GSE1: variants seen among roughly 807,000 people sequenced by gnomAD.
GSE1 encodes the protein genetic suppressor element 1.
Under a neutral mutation model 112.6 loss-of-function variants are expected in GSE1, and 32 were observed. The observed-to-expected ratio is 0.28, with a 90% confidence interval of 0.21 to 0.38. The LOEUF is 0.38. Ranked by LOEUF, GSE1 falls within the 10% of genes least tolerant of loss-of-function variation. GSE1 has a pLI of 1.00. For missense variants in GSE1, 2,348 were observed against 1,699.2 expected (o/e 1.38, Z -6.71); for synonymous variants, 1,115 against 735.6 (o/e 1.52, Z -8.35).
At chr16:85,590,206 G>C (rs1231754080) in intron 1 of GSE1, among the ~76,000 whole-genome samples, 2 of 152,082 alleles carry the variant, frequency 1.3e-5, no homozygotes, top group Non-Finnish European at 2.9e-5. Context: ...GTGTGTGATT[G>C]TGTGAACATG....
chr16:85,642,851 C>T (rs924171994), intron 2 of GSE1, among the ~76,000 whole-genome samples: 1 of 152,300 alleles, frequency 6.6e-6, no homozygotes, highest in South Asian at 2.1e-4. Context: ...CCTCCCCTTT[C>T]CTTCCATGCT....
At chr16:85,234,380 C>T (rs1289095557) in intron 1 of GSE1, among the ~76,000 whole-genome samples, 2 of 152,152 alleles carry the variant, frequency 1.3e-5, no homozygotes, top group African/African-American at 2.4e-5. Flanking sequence ...GCACCACCTC[C>T]CCAGGTTCTC....
At chr16:85,387,161 C>A (rs889007489) in intron 2 of GSE1, among the ~76,000 whole-genome samples, 2 of 152,198 alleles carry the variant, frequency 1.3e-5, no homozygotes, top group South Asian at 4.1e-4. Flanking sequence ...TGGAGTCCAG[C>A]ACAGGGTGCT....
chr16:85,656,266 G>A, intron 6 of GSE1, 77 bp from the exon 7 acceptor site: 3 of 1,555,704 alleles, frequency 1.9e-6, no homozygotes, highest in Non-Finnish European at 2.6e-6. Flanking sequence ...TCCTGGTTAT[G>A]CTTTTTAAGG....
chr16:85,241,147 A>G (rs1189910812), intron 1 of GSE1, among the ~76,000 whole-genome samples: 1 of 151,652 alleles, frequency 6.6e-6, no homozygotes, highest in Non-Finnish European at 1.5e-5. Context: ...GATACTTCCT[A>G]GCTGCGTGAC....
In GSE1 at chr16:85,293,248, A is replaced by T. The variant is rs564851667; in HGVS notation, c.2284-64215A>T. Among the ~76,000 whole-genome samples the T allele has an allele frequency of 4.3e-3, 648 of 152,266 alleles. 3 individuals are homozygous for T. Among genetic ancestry groups the T allele is most frequent in the Admixed American group, 4.7e-3 (72 of 15,300 alleles). On this transcript the variant is annotated intron_variant, in intron 1 of 2. Coordinates refer to the GSE1 transcript ENST00000637419. Reference sequence around the variant, plus strand: ...TGTTAGTGTCCTGTAACAAATCACCACAAAAGTGGTGGCTTGGCCTGGCAC... The same window carrying T: ...TGTTAGTGTCCTGTAACAAATCACCTCAAAAGTGGTGGCTTGGCCTGGCAC...
At chr16:85,359,227 C>T in intron 2 of GSE1, 1 of 365,288 alleles carries the variant, frequency 2.7e-6, no homozygotes, top group Non-Finnish European at 5.5e-6. Context: ...GTGCCTAGGG[C>T]AGGCCGGGTG....
intron 1 of GSE1, among the ~76,000 whole-genome samples, chr16:85,350,667 G>C (rs960084934): frequency 6.6e-6 from 1 of 152,196 alleles, no homozygotes; most frequent in Non-Finnish European, 1.5e-5. Context: ...CCTGCTCTTA[G>C]TTCATGGGAT....
intron 2 of GSE1, among the ~76,000 whole-genome samples, chr16:85,399,953 C>G (rs1431369209): frequency 3.3e-5 from 5 of 152,196 alleles, no homozygotes; most frequent in African/African-American, 2.4e-5. Flanking sequence ...GGGCTGTGCC[C>G]TGGAGCTGCG....
chr16:85,641,133 C>T (rs1457100297), intron 2 of GSE1, among the ~76,000 whole-genome samples: 1 of 152,224 alleles, frequency 6.6e-6, no homozygotes, highest in East Asian at 1.9e-4. Flanking sequence ...TTCCGGTTTT[C>T]CCTGATGCAC....
chr16:85,342,236 G>A (rs2046639296), intron 1 of GSE1, among the ~76,000 whole-genome samples: 1 of 152,140 alleles, frequency 6.6e-6, no homozygotes, highest in Non-Finnish European at 1.5e-5. Context: ...CAGTGCATCC[G>A]GACGTGTATT....
At chr16:85,519,497 T>TCACCATCACCAC (rs1463537088) in intron 2 of GSE1, among the ~76,000 whole-genome samples, 430 of 2,744 alleles carry the variant, frequency 0.16, 149 homozygotes, top group East Asian at 0.47. Flanking sequence ...ACTATCATCA[T>TCACCATCACCAC]CACCATCACC....
intron 1 of GSE1, chr16:85,592,152 T>G (rs2047029067): frequency 6.6e-6 from 1 of 152,152 alleles, no homozygotes; most frequent in African/African-American, 2.4e-5. Context: ...CTTCGGGTTT[T>G]TTTGTTTGTT....
At chr16:85,289,806 T>C (rs2045152734) in intron 1 of GSE1, among the ~76,000 whole-genome samples, 1 of 152,154 alleles carries the variant, frequency 6.6e-6, no homozygotes, top group African/African-American at 2.4e-5. Context: ...GTTCAGCCTC[T>C]GGCTCACAGG....
chr16:85,654,529 G>A (rs1259777175), intron 4 of GSE1, 79 bp downstream of exon 4: 1 of 1,267,136 alleles, frequency 7.9e-7, no homozygotes, highest in Non-Finnish European at 1.1e-6. Context: ...CAGGCAGCCT[G>A]CGGTCTGCAC....
chr16:85,413,195 C>T (rs541037482), intron 2 of GSE1, among the ~76,000 whole-genome samples: 10 of 152,318 alleles, frequency 6.6e-5, no homozygotes, highest in African/African-American at 2.2e-4. Flanking sequence ...ATCCGGGCAG[C>T]GGCCGCTGTG....
rs552356078 is a variant in GSE1, at chr16:85,373,525, G to A, written c.2464+15882G>A. Among the ~76,000 whole-genome samples the A allele has an allele frequency of 6.6e-6, 1 of 152,082 alleles. No homozygotes were observed. Among genetic ancestry groups the A allele is most frequent in the East Asian group, 1.9e-4 (1 of 5,172 alleles). On this transcript the variant is annotated intron_variant, in intron 2 of 2. Transcript: ENST00000637419. The surrounding 1 kb of genome is among the most constrained non-coding windows in gnomAD (Gnocchi z 5.1). ...AGGGATGCTGTGGCAGCTGCCTCCC[G>A]GGGCCCCTGGGAGAATGGGCTGGGG... is the stretch of plus-strand genomic sequence containing the variant.
At chr16:85,413,070 G>C (rs1032703403) in intron 2 of GSE1, among the ~76,000 whole-genome samples, 2 of 152,186 alleles carry the variant, frequency 1.3e-5, no homozygotes, top group African/African-American at 4.8e-5. Context: ...CCGCCCCACG[G>C]AGCCCCTGCT....
chr16:85,637,148 A>T (rs2050070596), intron 2 of GSE1, among the ~76,000 whole-genome samples: 1 of 152,062 alleles, frequency 6.6e-6, no homozygotes, highest in Admixed American at 6.5e-5. Flanking sequence ...CCCCTAAGAG[A>T]ACCTCGGTTG....
Sources: gnomAD v4.1 joint callset for allele counts (sites outside exome capture counted in the v4.1 genomes callset) on GRCh38, gnomAD v4.1.1 for gene constraint, Gnocchi (gnomAD v3.1) non-coding constraint, MANE v1.5 for transcripts, NCBI Gene and HGNC (gene_info 2026-07-23, HGNC 2026-07-21) for gene names.